ATP6V0E1: variants seen among roughly 807,000 people sequenced by gnomAD.
ATP6V0E1 encodes ATPase H+ transporting V0 subunit e1, also known as V-type proton ATPase subunit e 1.
ATP6V0E1 carries 4 observed loss-of-function variants against 11.6 expected under a neutral mutation model. The observed-to-expected ratio is 0.35, with a 90% CI of 0.17 to 0.79. The LOEUF (loss-of-function observed/expected upper bound fraction) is 0.79, where lower values mean the gene tolerates loss of function less well. Among genes scored for constraint, ATP6V0E1 ranks in the 30% least tolerant of loss-of-function variants. The pLI is 0.54. For missense variants in ATP6V0E1, 105 were observed against 100.0 expected, an observed-to-expected ratio of 1.05 and a Z score of -0.21; for synonymous variants, 36 against 34.8, an observed-to-expected ratio of 1.04 and a Z score of -0.13.
chr5:172,994,873 A>G, intron 2 of ATP6V0E1, 51 bp downstream of exon 2: 1 of 1,412,526 alleles, frequency 7.1e-7, no homozygotes, highest in Non-Finnish European at 9.7e-7. Flanking sequence ...AGTGTGTGCG[A>G]TTTACACATT....
chr5:173,005,160 G>GA (rs35638656), intron 2 of ATP6V0E1, among the ~76,000 whole-genome samples: 25,562 of 140,490 alleles, frequency 0.18, 3,640 homozygotes, highest in East Asian at 0.72. Context: ...CAGTTTCTAC[G>GA]AAAAAAAAAA....
At chr5:173,021,489 C>G (rs1756484255) in intron 3 of ATP6V0E1, among the ~76,000 whole-genome samples, 1 of 152,120 alleles carries the variant, frequency 6.6e-6, no homozygotes, top group African/African-American at 2.4e-5. Flanking sequence ...ACCATGAGAA[C>G]AGTATGGGGG....
chr5:172,998,184 T>C (rs1756095725), intron 2 of ATP6V0E1, among the ~76,000 whole-genome samples: 1 of 149,656 alleles, frequency 6.7e-6, no homozygotes, highest in Admixed American at 6.7e-5. Flanking sequence ...AAACTTAAAA[T>C]TTAGTCTTTT....
At chr5:172,997,344 T>C (rs923788531) in intron 2 of ATP6V0E1, among the ~76,000 whole-genome samples, 15 of 152,292 alleles carry the variant, frequency 9.8e-5, no homozygotes, top group African/African-American at 3.6e-4. Flanking sequence ...GAATGAAATA[T>C]ACCAAATGTC....
chr5:173,034,995 T>C lies in ATP6V0E1; in HGVS notation c.*633T>C, dbSNP rs1171343405. The C allele has an allele frequency of 1.3e-5, 2 of 153,096 alleles. No individual in the cohort carries two copies. The highest frequency in any genetic ancestry group is 2.9e-5 in the Non-Finnish European group (2 of 68,650). The allele number at this position is 153,096 out of a possible 1,614,324, so 9.5% of individuals were successfully genotyped here. ...GTAGTCTAAACTTAGGTTGAGTATA[T>C]AAACCCTGCCATGTAGCTTGAGATG... On this transcript the variant is annotated 3_prime_UTR_variant, in exon 4 of 4. Transcript: ENST00000519374.
intron 1 of ATP6V0E1, among the ~76,000 whole-genome samples, chr5:172,985,642 T>C (rs544895739): frequency 6.6e-6 from 1 of 152,342 alleles, no homozygotes; most frequent in East Asian, 1.9e-4. Flanking sequence ...CAAAGAAGCA[T>C]TTATTAATGT....
At chr5:173,027,451 G>A (rs1192646636) in intron 3 of ATP6V0E1, among the ~76,000 whole-genome samples, 2 of 151,170 alleles carry the variant, frequency 1.3e-5, no homozygotes, top group Admixed American at 6.6e-5. Flanking sequence ...GCAGTGAGCC[G>A]AGATCGTGCC....
chr5:172,998,033 C>T (rs114642545), intron 2 of ATP6V0E1, among the ~76,000 whole-genome samples: 2,017 of 151,586 alleles, frequency 0.013, 48 homozygotes, highest in African/African-American at 0.046. Context: ...CACCTGAGCC[C>T]GGGGAAGTCA....
intron 3 of ATP6V0E1, among the ~76,000 whole-genome samples, chr5:173,032,254 T>TC (rs1243793463): frequency 1.1e-5 from 1 of 89,336 alleles, no homozygotes; most frequent in Non-Finnish European, 2.5e-5. Context: ...TTTTATTTTA[T>TC]TTATTTATTT....
chr5:173,014,232 A>G (rs1284853227), intron 2 of ATP6V0E1, among the ~76,000 whole-genome samples: 5 of 152,026 alleles, frequency 3.3e-5, no homozygotes, highest in African/African-American at 1.2e-4. Flanking sequence ...AAACTTTTAT[A>G]CACTGTTAGT....
chr5:173,019,312 T>C (rs1249828449), intron 2 of ATP6V0E1, among the ~76,000 whole-genome samples: 1 of 152,062 alleles, frequency 6.6e-6, no homozygotes, highest in Non-Finnish European at 1.5e-5. Context: ...TCCCAGCACT[T>C]TGGGAGGCCG....
At chr5:173,017,548 A>AG (rs1404998179) in intron 2 of ATP6V0E1, among the ~76,000 whole-genome samples, 2 of 136,008 alleles carry the variant, frequency 1.5e-5, no homozygotes, top group African/African-American at 5.6e-5. Flanking sequence ...AAAAAAAAAA[A>AG]AAAGCGATTC....
chr5:172,996,074 T>C (rs1237529505), intron 2 of ATP6V0E1, among the ~76,000 whole-genome samples: 2 of 152,202 alleles, frequency 1.3e-5, no homozygotes, highest in African/African-American at 2.4e-5. Context: ...ATCCTATAGA[T>C]GAAAGACCAT....
chr5:173,025,386 C>T (rs754809014), intron 3 of ATP6V0E1, among the ~76,000 whole-genome samples: 1 of 151,474 alleles, frequency 6.6e-6, no homozygotes, highest in Non-Finnish European at 1.5e-5. Flanking sequence ...CTCAAGTGAT[C>T]TGCCTGTCTC....
chr5:173,001,831 G>T (rs1178953635), intron 2 of ATP6V0E1, among the ~76,000 whole-genome samples: 2 of 150,428 alleles, frequency 1.3e-5, no homozygotes, highest in Non-Finnish European at 2.9e-5. Flanking sequence ...TGATTCTCTT[G>T]CCTCAGCCTC....
chr5:172,991,782 C>T (rs1755980864), intron 1 of ATP6V0E1, among the ~76,000 whole-genome samples: 1 of 152,126 alleles, frequency 6.6e-6, no homozygotes, highest in Non-Finnish European at 1.5e-5. Context: ...CCAACTCTTA[C>T]TACCTGCACT....
intron 2 of ATP6V0E1, among the ~76,000 whole-genome samples, chr5:173,000,637 G>A (rs1756137435): frequency 6.6e-6 from 1 of 151,884 alleles, no homozygotes; most frequent in Non-Finnish European, 1.5e-5. Flanking sequence ...TGAGTTTTAA[G>A]TAAGATGCTG....
chr5:172,988,485 A>T (rs1042889348), intron 1 of ATP6V0E1, among the ~76,000 whole-genome samples: 1 of 152,148 alleles, frequency 6.6e-6, no homozygotes, highest in Non-Finnish European at 1.5e-5. Context: ...GGATTTTTTT[A>T]AAAAGGAAAT....
intron 1 of ATP6V0E1, among the ~76,000 whole-genome samples, chr5:172,990,293 A>T (rs1054246378): frequency 2.6e-5 from 4 of 152,084 alleles, no homozygotes; most frequent in African/African-American, 7.2e-5. Context: ...CTGTGCCTGG[A>T]ATCAGCTTTC....
Sources: gnomAD v4.1 joint callset for allele counts (sites outside exome capture counted in the v4.1 genomes callset) on GRCh38, gnomAD v4.1.1 for gene constraint, MANE v1.5 for transcripts, NCBI Gene and HGNC (gene_info 2026-07-23, HGNC 2026-07-21) for gene names.